The following CDC42BPA variants were observed in gnomAD, a reference collection of about 807,000 sequenced individuals.
CDC42BPA encodes CDC42 binding protein kinase alpha, also known as serine/threonine-protein kinase MRCK alpha.
In CDC42BPA, 80 loss-of-function variants were observed where a neutral mutation model predicts 223.5. The observed-to-expected ratio is 0.36, with a 90% CI of 0.30 to 0.43. The LOEUF is 0.43. CDC42BPA is among the 20% of genes least tolerant of loss of function. CDC42BPA has a pLI of 1.00. For missense variants in CDC42BPA, 1,743 were observed against 2,099.9 expected, an observed-to-expected ratio of 0.83 and a Z score of 3.32; for synonymous variants, 694 against 718.6, an observed-to-expected ratio of 0.97 and a Z score of 0.55.
At chr1:227,239,777 G>A (rs1679710572) in intron 2 of CDC42BPA, among the ~76,000 whole-genome samples, 1 of 152,004 alleles carries the variant, frequency 6.6e-6, no homozygotes, top group Non-Finnish European at 1.5e-5. Flanking sequence ...CAGATAAAAG[G>A]CACCTACCAA....
chr1:227,244,516 A>C (rs189128502), intron 2 of CDC42BPA, among the ~76,000 whole-genome samples: 1 of 151,870 alleles, frequency 6.6e-6, no homozygotes, highest in East Asian at 1.9e-4. Flanking sequence ...ATGGGAGCCT[A>C]TCAGAATGCT....
chr1:227,303,947 A>C (rs1346119821), intron 1 of CDC42BPA, among the ~76,000 whole-genome samples: 1 of 152,238 alleles, frequency 6.6e-6, no homozygotes, highest in Non-Finnish European at 1.5e-5. Flanking sequence ...TTAAATGCAG[A>C]GTTAATCTAA....
chr1:227,107,318 C>T (rs2149355247), intron 14 of CDC42BPA, among the ~76,000 whole-genome samples: 1 of 152,266 alleles, frequency 6.6e-6, no homozygotes, highest in South Asian at 2.1e-4. Context: ...GCTTTCTTAA[C>T]ATTCTTTGCA....
Position 227,238,495 on chromosome 1 carries a change from G to A in CDC42BPA, c.270+15569C>T, listed in dbSNP as rs537485234. The stretch of plus-strand genomic sequence containing the variant: ...ATCATTCATTTGCAAACTGTCTATG[G>A]CTAGTTTTCACACCACAATGACAGA... On this transcript the variant is annotated intron_variant, in intron 2 of 36. Transcript: ENST00000366766. 2.0e-5 allele frequency among the ~76,000 whole-genome samples: 3 copies of A among 151,880 alleles called. No homozygotes were observed. The South Asian group carries it at 6.3e-4, about 32-fold the overall frequency.
chr1:227,044,958 T>C (rs1023866650), intron 23 of CDC42BPA, among the ~76,000 whole-genome samples: 4 of 152,156 alleles, frequency 2.6e-5, no homozygotes, highest in African/African-American at 9.7e-5. Flanking sequence ...TCCCCTGGAA[T>C]CTATTTACCA....
At chr1:227,104,794 CT>C (rs1336286240) in intron 14 of CDC42BPA, among the ~76,000 whole-genome samples, 1 of 152,048 alleles carries the variant, frequency 6.6e-6, no homozygotes, top group Admixed American at 6.6e-5. Context: ...GGTGATGTAT[CT>C]TACAAGCCAA....
chr1:227,054,580 A>T (rs1572513396), intron 21 of CDC42BPA, among the ~76,000 whole-genome samples: 1 of 152,298 alleles, frequency 6.6e-6, no homozygotes, highest in East Asian at 1.9e-4. Context: ...ACAGTGGGAT[A>T]TTGGAGAAAG....
intron 8 of CDC42BPA, 60 bp from the exon 9 acceptor site, chr1:227,143,084 T>C: frequency 9.7e-7 from 1 of 1,033,036 alleles, no homozygotes; most frequent in Non-Finnish European, 1.3e-6. Context: ...TAGGCTTGGC[T>C]ATAAATATAA....
At chr1:227,275,010 T>A (rs971369706) in intron 1 of CDC42BPA, among the ~76,000 whole-genome samples, 5 of 152,108 alleles carry the variant, frequency 3.3e-5, no homozygotes, top group African/African-American at 1.2e-4. Flanking sequence ...AATTGATAAG[T>A]GAAGCATACA....
chr1:227,220,836 A>G (rs936022982), intron 2 of CDC42BPA, among the ~76,000 whole-genome samples: 7 of 152,126 alleles, frequency 4.6e-5, no homozygotes, highest in African/African-American at 1.7e-4. Context: ...ATCAATTGAA[A>G]AACTTTTCCA....
intron 2 of CDC42BPA, among the ~76,000 whole-genome samples, chr1:227,241,040 A>G (rs1572575611): frequency 6.6e-6 from 1 of 152,204 alleles, no homozygotes; most frequent in Non-Finnish European, 1.5e-5. Context: ...CTAAAGACTG[A>G]GCAAAAAATT....
At chr1:227,159,649 TAAA>T (rs35278555) in intron 6 of CDC42BPA, among the ~76,000 whole-genome samples, 14 of 148,938 alleles carry the variant, frequency 9.4e-5, no homozygotes, top group Admixed American at 1.3e-4. Context: ...AAAATGAAGT[TAAA>T]AAAAAAAAAA....
intron 16 of CDC42BPA, among the ~76,000 whole-genome samples, chr1:227,083,188 T>C (rs1192222435): frequency 6.6e-6 from 1 of 152,176 alleles, no homozygotes; most frequent in African/African-American, 2.4e-5. Context: ...ATTATTTGTA[T>C]GTTAGAACTT....
intron 6 of CDC42BPA, among the ~76,000 whole-genome samples, chr1:227,152,917 C>T (rs1662046663): frequency 6.6e-6 from 1 of 151,856 alleles, no homozygotes; most frequent in South Asian, 2.1e-4. Flanking sequence ...CTTAAGGTAG[C>T]TACAGTAATA....
intron 2 of CDC42BPA, among the ~76,000 whole-genome samples, chr1:227,247,214 TTGGCCAGGTGCAG>T (rs962934863): frequency 6.7e-6 from 1 of 148,674 alleles, no homozygotes; most frequent in African/African-American, 2.5e-5. Context: ...AAAAGCTATT[TTGGCCAGGTGCAG>T]TGGCTCATGC....
intron 6 of CDC42BPA, 31 bp from the exon 7 acceptor site, chr1:227,147,590 T>A: frequency 8.1e-7 from 1 of 1,240,218 alleles, no homozygotes; most frequent in Non-Finnish European, 1.1e-6. Context: ...ATTAATCTCC[T>A]ATATTAGAAA....
intron 1 of CDC42BPA, among the ~76,000 whole-genome samples, chr1:227,295,832 A>G (rs1690556360): frequency 6.6e-6 from 1 of 152,184 alleles, no homozygotes; most frequent in Admixed American, 6.5e-5. Context: ...TAAAGTGGGG[A>G]AAGCCTTCCT....
At chr1:227,237,357 T>C (rs759375137) in intron 2 of CDC42BPA, among the ~76,000 whole-genome samples, 2 of 152,214 alleles carry the variant, frequency 1.3e-5, no homozygotes, top group Non-Finnish European at 2.9e-5. Context: ...CACTCCTGTC[T>C]ACCCCATTCC....
chr1:227,235,297 G>A (rs1402068800), intron 2 of CDC42BPA: 1 of 152,088 alleles, frequency 6.6e-6, no homozygotes, highest in Non-Finnish European at 1.5e-5. Context: ...AGGCCACTAT[G>A]GAATCAAATC....
Sources: gnomAD v4.1 joint callset for allele counts (sites outside exome capture counted in the v4.1 genomes callset) on GRCh38, gnomAD v4.1.1 for gene constraint, MANE v1.5 for transcripts, NCBI Gene and HGNC (gene_info 2026-07-23, HGNC 2026-07-21) for gene names.